Variants in GPHN observed in about 807,000 individuals in gnomAD.
The protein encoded by GPHN is gephyrin.
Under a neutral mutation model 95.5 loss-of-function variants are expected in GPHN, and 17 were observed. That is an observed-to-expected ratio of 0.18 (90% CI 0.12 to 0.27). The LOEUF is 0.27. GPHN is among the 10% of genes least tolerant of loss of function. GPHN has a pLI of 1.00. For synonymous variants in GPHN, 320 were observed against 322.5 expected, an observed-to-expected ratio of 0.99 and a Z score of 0.08; for missense variants, 660 against 978.1, an observed-to-expected ratio of 0.67 and a Z score of 4.34.
At chr14:66,815,186 C>T (rs140281854) in intron 3 of GPHN, among the ~76,000 whole-genome samples, 106 of 152,210 alleles carry the variant, frequency 7.0e-4, no homozygotes, top group East Asian at 6.2e-3. Context: ...ATTGAATCTG[C>T]GACTGATTGG....
chr14:66,750,598 T>C (rs1239216927), intron 2 of GPHN, among the ~76,000 whole-genome samples: 1 of 151,942 alleles, frequency 6.6e-6, no homozygotes, highest in Non-Finnish European at 1.5e-5. Context: ...TTCATAATAA[T>C]GTCAACATGT....
the GPHN span, among the ~76,000 whole-genome samples, chr14:67,577,110 C>T: frequency 6.6e-6 from 1 of 152,216 alleles, no homozygotes; most frequent in Non-Finnish European, 1.5e-5. Flanking sequence ...AAAGGCCATG[C>T]TTATATGAGG....
intron 10 of GPHN, among the ~76,000 whole-genome samples, chr14:67,043,738 A>C (rs2074842079): frequency 6.6e-6 from 1 of 151,910 alleles, no homozygotes; most frequent in African/African-American, 2.4e-5. Flanking sequence ...TGCTGGCCTC[A>C]TAAAATGAGT....
chr14:67,188,347 A>G, the GPHN span, among the ~76,000 whole-genome samples: 1 of 152,066 alleles, frequency 6.6e-6, no homozygotes, highest in Admixed American at 6.6e-5. Context: ...TTCTTTTGGT[A>G]TTTCTTCTCT....
chr14:67,263,444 A>C, the GPHN span, among the ~76,000 whole-genome samples: 6 of 152,246 alleles, frequency 3.9e-5, no homozygotes, highest in African/African-American at 1.4e-4. Flanking sequence ...ACTTCATAGA[A>C]TTTCATTGTT....
chr14:67,405,224 C>CAAAA, the GPHN span, among the ~76,000 whole-genome samples: 10 of 40,380 alleles, frequency 2.5e-4, no homozygotes, highest in South Asian at 7.9e-4. Context: ...GAGTCCATCT[C>CAAAA]AAAAAAAAAA....
At chr14:66,701,015 C>G (rs138858740) in intron 2 of GPHN, among the ~76,000 whole-genome samples, 3 of 152,292 alleles carry the variant, frequency 2.0e-5, no homozygotes, top group Non-Finnish European at 4.4e-5. Flanking sequence ...AGTACATGCA[C>G]AGAAAGGAAA....
chr14:67,712,502 AAAAAAAAAAAAAAAAGAC>A, the GPHN span, among the ~76,000 whole-genome samples: 1 of 132,170 alleles, frequency 7.6e-6, no homozygotes, highest in Non-Finnish European at 1.5e-5. Flanking sequence ...GCAAAAAAAA[AAAAAAAAAAAAAAAAGAC>A]AAGGTTTTGG....
At chr14:66,954,589 G>C (rs759462878) in intron 8 of GPHN, among the ~76,000 whole-genome samples, 39 of 152,082 alleles carry the variant, frequency 2.6e-4, no homozygotes, top group African/African-American at 8.2e-4. Flanking sequence ...ATAGTTCTAC[G>C]TCCTTTCCAA....
At chr14:67,083,129 A>G (rs935981433) in intron 11 of GPHN, among the ~76,000 whole-genome samples, 20 of 152,152 alleles carry the variant, frequency 1.3e-4, no homozygotes, top group African/African-American at 4.1e-4. Context: ...AAAAATTGCA[A>G]TTCTTTCAAA....
chr14:67,619,902 C>A, the GPHN span: 4 of 1,003,500 alleles, frequency 4.0e-6, no homozygotes, highest in Non-Finnish European at 5.6e-6. Context: ...GTAAGAGCAG[C>A]GGCGGGCGGT....
chr14:67,684,212 G>A, the GPHN span, among the ~76,000 whole-genome samples: 8 of 152,168 alleles, frequency 5.3e-5, no homozygotes, highest in Non-Finnish European at 1.2e-4. Context: ...CTCATAATCT[G>A]TCTGCCTTTC....
chr14:67,540,567 A>G, the GPHN span, among the ~76,000 whole-genome samples: 1 of 151,844 alleles, frequency 6.6e-6, no homozygotes, highest in African/African-American at 2.4e-5. Context: ...CAGAGGTTGT[A>G]GTGAGCCAAA....
chr14:67,218,094 T>A, the GPHN span, among the ~76,000 whole-genome samples: 6 of 152,210 alleles, frequency 3.9e-5, no homozygotes, highest in African/African-American at 1.2e-4. Flanking sequence ...GCATCAGTGG[T>A]GCAGCTTTGC....
At chr14:67,503,604 A>G in the GPHN span, 1 of 152,196 alleles carries the variant, frequency 6.6e-6, no homozygotes, top group Non-Finnish European at 1.5e-5. Context: ...CTGGAGTCAG[A>G]TTCTTTCCAT....
At chr14:67,651,205 CTGT>C in the GPHN span, 11,516 of 1,230,956 alleles carry the variant, frequency 9.4e-3, 580 homozygotes, top group African/African-American at 0.13. Flanking sequence ...GGTCTTGTTG[CTGT>C]TGTTCCTTCA....
chr14:67,079,808 T>C (rs1595056056), intron 11 of GPHN, among the ~76,000 whole-genome samples: 1 of 152,070 alleles, frequency 6.6e-6, no homozygotes, highest in Non-Finnish European at 1.5e-5. Context: ...TTCTATTAAT[T>C]TGACTACTTT....
chr14:67,291,575 G>T, the GPHN span, among the ~76,000 whole-genome samples: 234 of 152,296 alleles, frequency 1.5e-3, no homozygotes, highest in African/African-American at 5.4e-3. Flanking sequence ...GAGCCACTGC[G>T]CCCAGCCTAC....
the GPHN span, among the ~76,000 whole-genome samples, chr14:67,242,935 G>T: frequency 2.0e-5 from 3 of 152,146 alleles, no homozygotes; most frequent in Admixed American, 6.5e-5. Flanking sequence ...ACCCAAGTCA[G>T]TACAGTGGGT....
Sources: allele counts gnomAD v4.1 joint callset (sites outside exome capture counted in the v4.1 genomes callset), GRCh38; gene constraint gnomAD v4.1.1; transcripts MANE v1.5; gene names NCBI Gene and HGNC (gene_info 2026-07-23, HGNC 2026-07-21).